Variants in SENP6 observed in about 807,000 individuals in gnomAD.
The protein encoded by SENP6 is sentrin-specific protease 6.
A neutral mutation model predicts 134.5 loss-of-function variants in SENP6; 41 were observed. That is an observed-to-expected ratio of 0.30 (90% confidence interval 0.24 to 0.40). The LOEUF is 0.40. Among genes scored for constraint, SENP6 ranks in the 10% least tolerant of loss-of-function variants. The pLI is 1.00. For missense variants in SENP6, 1,248 were observed against 1,312.5 expected (o/e 0.95, Z 0.76); for synonymous variants, 395 against 429.8 (o/e 0.92, Z 1.00).
chr6:75,669,937 GA>G (rs1344869766), intron 10 of SENP6, among the ~76,000 whole-genome samples: 2 of 52,416 alleles, frequency 3.8e-5, no homozygotes, highest in Non-Finnish European at 1.1e-4. Flanking sequence ...TACAAGATCA[GA>G]TTTTTTTTTT....
At chr6:75,640,032 T>C (rs1769904886) in intron 5 of SENP6, among the ~76,000 whole-genome samples, 1 of 152,344 alleles carries the variant, frequency 6.6e-6, no homozygotes, top group African/African-American at 2.4e-5. Flanking sequence ...TTTGCTATGA[T>C]AACATTATTG....
At position 75,628,269 on chromosome 6, in the gene SENP6, C is replaced by G. The variant is rs564539839; in HGVS notation, c.207+4309C>G. On this transcript the variant is annotated intron_variant, in intron 3 of 23. Coordinates refer to ENST00000447266, the MANE Select transcript of SENP6 (RefSeq NM_015571.4). ...TGTAATTGAAAATCTTTTTATTATCCTATCACACTTTAATAGAGATATCCT... is the reference window on the plus strand; with the variant it reads ...TGTAATTGAAAATCTTTTTATTATCGTATCACACTTTAATAGAGATATCCT... 3.3e-5 allele frequency among the ~76,000 whole-genome samples: 5 copies of G among 152,036 alleles called. No individual in the cohort carries two copies. The South Asian group carries it at 1.0e-3, about 32-fold the overall frequency.
At chr6:75,627,897 A>G (rs1457989602) in intron 3 of SENP6, among the ~76,000 whole-genome samples, 1 of 151,558 alleles carries the variant, frequency 6.6e-6, no homozygotes, top group Non-Finnish European at 1.5e-5. Flanking sequence ...CTGGTCTCGA[A>G]CTCTGACCTC....
At chr6:75,675,816 A>T in intron 12 of SENP6, 44 bp from the exon 13 acceptor site, 1 of 1,495,860 alleles carries the variant, frequency 6.7e-7, no homozygotes, top group Non-Finnish European at 9.1e-7. Flanking sequence ...TCATGATATT[A>T]CCCTCTTAAG....
intron 5 of SENP6, among the ~76,000 whole-genome samples, chr6:75,638,834 G>C (rs147887899): frequency 3.3e-5 from 5 of 151,456 alleles, no homozygotes; most frequent in African/African-American, 1.2e-4. Context: ...AAAATAGGAG[G>C]ATAGCCTGAG....
chr6:75,677,261 T>C lies in SENP6; in HGVS notation c.1848+5T>C. The C allele has an allele frequency of 6.6e-7, 1 of 1,521,992 alleles. No individual in the cohort carries two copies. Among genetic ancestry groups the C allele is most frequent in the South Asian group, 1.3e-5 (1 of 79,278 alleles). 94.3% of individuals were successfully genotyped at this position (1,521,992 alleles called of 1,614,324 possible). ...AAGGAAAACAAAATTAAAACTGTAA[T>C]TATGTTTTTTAATTTAAAAATATTC... On this transcript the variant is annotated splice_donor_5th_base_variant and intron_variant, in intron 14 of 23. Transcript: ENST00000447266.
chr6:75,624,886 A>C (rs1768549669), intron 3 of SENP6, among the ~76,000 whole-genome samples: 1 of 152,130 alleles, frequency 6.6e-6, no homozygotes, highest in South Asian at 2.1e-4. Flanking sequence ...TAATCCTAGC[A>C]CTTTGGGAAA....
intron 1 of SENP6, among the ~76,000 whole-genome samples, chr6:75,606,915 TAGAG>T (rs1006113003): frequency 1.3e-5 from 2 of 152,096 alleles, no homozygotes; most frequent in African/African-American, 4.8e-5. Flanking sequence ...GAACAGAAGG[TAGAG>T]AGGCAGTGCT....
At chr6:75,646,219 T>C (rs191614536) in intron 6 of SENP6, among the ~76,000 whole-genome samples, 170 of 152,362 alleles carry the variant, frequency 1.1e-3, no homozygotes, top group African/African-American at 3.8e-3. Context: ...TTCTTTCTTA[T>C]AAGACTGTTA....
intron 15 of SENP6, 42 bp downstream of exon 15, chr6:75,678,734 TTC>T: frequency 1.4e-6 from 2 of 1,389,974 alleles, no homozygotes; most frequent in Non-Finnish European, 2.0e-6. Flanking sequence ...TTAAATGTCT[TTC>T]TCTGTTTTAT....
intron 16 of SENP6, among the ~76,000 whole-genome samples, chr6:75,685,945 A>T (rs1773810442): frequency 6.6e-6 from 1 of 152,070 alleles, no homozygotes; most frequent in South Asian, 2.1e-4. Context: ...ATTCCTGGGT[A>T]TCCTTCTTCA....
intron 7 of SENP6, among the ~76,000 whole-genome samples, chr6:75,652,014 A>G (rs763862542): frequency 3.3e-5 from 5 of 151,614 alleles, no homozygotes; most frequent in Non-Finnish European, 5.9e-5. Context: ...TAACTCTCCA[A>G]AAAAATATAA....
intron 16 of SENP6, among the ~76,000 whole-genome samples, chr6:75,692,467 CAAAA>C (rs35719479): frequency 6.7e-6 from 1 of 149,064 alleles, no homozygotes; most frequent in Non-Finnish European, 1.5e-5. Context: ...CAAAAACATA[CAAAA>C]AAAAAATTAG....
At chr6:75,700,525 C>T (rs9343315) in intron 18 of SENP6, among the ~76,000 whole-genome samples, 14,641 of 152,058 alleles carry the variant, frequency 0.096, 740 homozygotes, top group Non-Finnish European at 0.11. Context: ...CTCACTCTGT[C>T]GCCCAGACTG....
intron 19 of SENP6, among the ~76,000 whole-genome samples, chr6:75,707,727 G>T (rs1020709198): frequency 1.4e-4 from 21 of 151,676 alleles, no homozygotes; most frequent in African/African-American, 4.8e-4. Context: ...TTTCATAGAA[G>T]TTAAGAGTAC....
At chr6:75,694,364 C>T (rs1212617504) in intron 16 of SENP6, among the ~76,000 whole-genome samples, 2 of 152,214 alleles carry the variant, frequency 1.3e-5, no homozygotes, top group Non-Finnish European at 2.9e-5. Context: ...ATAAAAAATA[C>T]TATGCTGCTG....
At chr6:75,635,657 T>C (rs1235164529) in intron 5 of SENP6, among the ~76,000 whole-genome samples, 1 of 152,148 alleles carries the variant, frequency 6.6e-6, no homozygotes, top group Non-Finnish European at 1.5e-5. Context: ...TATCAAATAG[T>C]GTTCACCTGA....
intron 7 of SENP6, among the ~76,000 whole-genome samples, chr6:75,651,868 ATT>A (rs984621248): frequency 2.0e-5 from 3 of 152,142 alleles, no homozygotes; most frequent in Non-Finnish European, 4.4e-5. Flanking sequence ...GGAAAACACA[ATT>A]AAAGGAAGTT....
At chr6:75,663,907 A>C (rs1226405427) in intron 9 of SENP6, among the ~76,000 whole-genome samples, 1 of 151,550 alleles carries the variant, frequency 6.6e-6, no homozygotes, top group African/African-American at 2.4e-5. Flanking sequence ...ATTTGTTCCT[A>C]ACTCTATATC....
Sources: gnomAD v4.1 joint callset for allele counts (sites outside exome capture counted in the v4.1 genomes callset) on GRCh38, gnomAD v4.1.1 for gene constraint, MANE v1.5 for transcripts, NCBI Gene and HGNC (gene_info 2026-07-23, HGNC 2026-07-21) for gene names.